COL24A1: variants seen among roughly 807,000 people sequenced by gnomAD.
COL24A1 encodes the protein collagen type XXIV alpha 1 chain, also known as collagen alpha-1(XXIV) chain.
Under a neutral mutation model 253.9 loss-of-function variants are expected in COL24A1, and 224 were observed. The observed-to-expected ratio is 0.88, with a 90% CI of 0.79 to 0.99. COL24A1 has a LOEUF of 0.99. Ranked by LOEUF, COL24A1 falls within the 50% of genes least tolerant of loss-of-function variation. The pLI is 0.00. For missense variants in COL24A1, 2,131 were observed against 2,068.5 expected (o/e 1.03, Z -0.59); for synonymous variants, 685 against 673.7 (o/e 1.02, Z -0.26).
chr1:86,086,795 A>G (rs987960216), intron 7 of COL24A1, among the ~76,000 whole-genome samples: 3 of 152,210 alleles, frequency 2.0e-5, no homozygotes, highest in Admixed American at 2.0e-4. Flanking sequence ...GTATGACACA[A>G]ACTTGTCCCA....
At chr1:86,008,926 T>A (rs561553849) in intron 19 of COL24A1, among the ~76,000 whole-genome samples, 20 of 148,850 alleles carry the variant, frequency 1.3e-4, no homozygotes, top group Non-Finnish European at 3.0e-4. Flanking sequence ...GAAAAAAATT[T>A]AACAAAAAAT....
intron 45 of COL24A1, among the ~76,000 whole-genome samples, chr1:85,822,795 G>C (rs554829728): frequency 1.3e-5 from 2 of 152,180 alleles, no homozygotes; most frequent in South Asian, 4.1e-4. Context: ...CTTGATATCT[G>C]ATCACCCTTG....
rs377180505 is a variant in COL24A1, at chr1:86,021,700, TA to T, written c.2256+539del. On this transcript the variant is annotated intron_variant, in intron 18 of 59. Coordinates refer to ENST00000370571, the MANE Select transcript of COL24A1 (RefSeq NM_152890.7). ...TTTCTCAAGTTTTAACCATTTTATT[TA>T]AATAGCTTTAATTATTAAGTAATTT... Among the ~76,000 whole-genome samples, 3 of 152,204 alleles carry T rather than the reference TA, an allele frequency of 2.0e-5. No individual in the cohort carries two copies. The East Asian group carries it at 5.8e-4, about 29-fold the overall frequency.
Position 85,731,120 on chromosome 1 carries a change from A to G in COL24A1, c.4999-428T>C, listed in dbSNP as rs1164890855. Among the ~76,000 whole-genome samples, 6 of 152,380 alleles carry G rather than the reference A, an allele frequency of 3.9e-5. No individual in the cohort carries two copies. In the East Asian group the frequency reaches 1.2e-3, roughly 29 times the overall value. On this transcript the variant is annotated intron_variant, in intron 59 of 59. Transcript: ENST00000370571. ...TCTGTATTTTAGGTAGAAAATAAACAGAATCACCTCAGTCAGAAATAGTTA... is the reference window on the plus strand; with the variant it reads ...TCTGTATTTTAGGTAGAAAATAAACGGAATCACCTCAGTCAGAAATAGTTA...
chr1:85,786,784 T>C (rs1211038770), intron 47 of COL24A1, among the ~76,000 whole-genome samples: 8 of 152,192 alleles, frequency 5.3e-5, no homozygotes, highest in African/African-American at 9.6e-5. Context: ...ACTTTTGTAT[T>C]ATACTCTGGT....
intron 52 of COL24A1, among the ~76,000 whole-genome samples, chr1:85,777,424 T>C (rs568181958): frequency 1.0e-3 from 159 of 152,264 alleles, no homozygotes; most frequent in African/African-American, 3.6e-3. Flanking sequence ...TGGAATCATA[T>C]TATATACTCT....
intron 5 of COL24A1, among the ~76,000 whole-genome samples, chr1:86,107,144 T>C (rs964347811): frequency 2.0e-5 from 3 of 152,182 alleles, no homozygotes; most frequent in Non-Finnish European, 2.9e-5. Context: ...GAATTCCTCA[T>C]TGTGTTGGGA....
intron 11 of COL24A1, 66 bp from the exon 12 acceptor site, chr1:86,046,935 T>C (rs1699954318): frequency 1.1e-6 from 1 of 901,256 alleles, no homozygotes; most frequent in Non-Finnish European, 1.8e-6. Context: ...TAGATCTTTT[T>C]CTCCCAATAT....
chr1:86,054,127 G>A (rs1700508477), intron 10 of COL24A1, among the ~76,000 whole-genome samples: 1 of 151,954 alleles, frequency 6.6e-6, no homozygotes, highest in Non-Finnish European at 1.5e-5. Flanking sequence ...CTCTGACTGA[G>A]TTAATATATA....
At chr1:85,909,800 C>G in intron 26 of COL24A1, 150 bp downstream of exon 26, 1 of 712,828 alleles carries the variant, frequency 1.4e-6, no homozygotes, top group Non-Finnish European at 2.5e-6. Context: ...ACATAGCATT[C>G]TGGGAGATAA....
chr1:85,802,524 CATATA>C (rs780892594), intron 47 of COL24A1, among the ~76,000 whole-genome samples: 6 of 152,130 alleles, frequency 3.9e-5, no homozygotes, highest in African/African-American at 1.2e-4. Flanking sequence ...CCTCCCCACT[CATATA>C]ATATATGAAT....
intron 20 of COL24A1, among the ~76,000 whole-genome samples, chr1:85,980,376 A>G (rs1693130374): frequency 6.6e-6 from 1 of 152,198 alleles, no homozygotes; most frequent in African/African-American, 2.4e-5. Flanking sequence ...ATCGGTAAAG[A>G]GGAAGTCAAA....
At chr1:85,770,363 T>G (rs1470295378) in intron 53 of COL24A1, among the ~76,000 whole-genome samples, 3 of 152,138 alleles carry the variant, frequency 2.0e-5, no homozygotes, top group African/African-American at 2.4e-5. Context: ...TAATCAAGAC[T>G]TTACTGCTAT....
intron 14 of COL24A1, among the ~76,000 whole-genome samples, chr1:86,027,618 G>A (rs1374883314): frequency 6.6e-6 from 1 of 152,218 alleles, no homozygotes; most frequent in Admixed American, 6.5e-5. Context: ...GAAATGCCTG[G>A]ATGTCCAGGC....
chr1:86,133,520 T>C (rs1055984560), intron 2 of COL24A1, among the ~76,000 whole-genome samples: 1 of 152,236 alleles, frequency 6.6e-6, no homozygotes, highest in Non-Finnish European at 1.5e-5. Flanking sequence ...TTGAGAAACG[T>C]CCCATCAATA....
chr1:85,775,174 T>C (rs770756457), intron 53 of COL24A1, among the ~76,000 whole-genome samples: 3 of 152,152 alleles, frequency 2.0e-5, no homozygotes, highest in Non-Finnish European at 4.4e-5. Flanking sequence ...CATGTCGTTG[T>C]GCAGTTTTGA....
intron 24 of COL24A1, among the ~76,000 whole-genome samples, chr1:85,945,019 T>TGTTTTTG (rs1558752642): frequency 1.2e-4 from 9 of 73,362 alleles, no homozygotes; most frequent in Non-Finnish European, 2.1e-4. Context: ...TTTTTTTTTT[T>TGTTTTTG]TTTTTTTTTT....
Position 85,761,111 on chromosome 1 carries a change from C to T in COL24A1, c.4437+285G>A, listed in dbSNP as rs530675933. ...GAAGAAATGGAGATAATTAGTTTTT[C>T]AAGTGCTTATTATGTATTATACAAT... On this transcript the variant is annotated intron_variant, in intron 55 of 59. Transcript: ENST00000370571. Among the ~76,000 whole-genome samples, 3 of 152,220 alleles carry T rather than the reference C, an allele frequency of 2.0e-5. No individual in the cohort carries two copies. The South Asian group carries it at 6.2e-4, about 32-fold the overall frequency.
At chr1:86,019,299 A>G (rs1013145644) in intron 18 of COL24A1, among the ~76,000 whole-genome samples, 10 of 152,112 alleles carry the variant, frequency 6.6e-5, no homozygotes, top group African/African-American at 2.2e-4. Context: ...GCTCACACCT[A>G]TAATCCCACA....
Sources: gnomAD v4.1 joint callset for allele counts (sites outside exome capture counted in the v4.1 genomes callset) on GRCh38, gnomAD v4.1.1 for gene constraint, MANE v1.5 for transcripts, NCBI Gene and HGNC (gene_info 2026-07-23, HGNC 2026-07-21) for gene names.